ATXN8OS: variants seen among roughly 807,000 people sequenced by gnomAD.
ATXN8OS encodes ATXN8 opposite strand lncRNA, also known as ATXN8 opposite strand (non-protein coding).
chr13:70,148,279 AAT>A lies in ATXN8OS; in HGVS notation n.573+854_573+855del, dbSNP rs56821913. On this transcript the variant is annotated intron_variant and non_coding_transcript_variant, in intron 4 of 4. Transcript: ENST00000678624. ...AGATGGCTTTGCAGGGCCATTTCAA[AAT>A]ATGTCAGTGAAATACACTTTGTTGT... Among the ~76,000 whole-genome samples, 657 of 152,312 alleles carry A rather than the reference AAT, an allele frequency of 4.3e-3. 3 individuals carry two copies. The highest frequency in any genetic ancestry group is 0.015 in the African/African-American group (634 of 41,576).
intron 2 of ATXN8OS, among the ~76,000 whole-genome samples, chr13:70,117,486 C>A (rs1393461949): frequency 1.3e-5 from 2 of 152,042 alleles, no homozygotes; most frequent in Non-Finnish European, 2.9e-5. Flanking sequence ...GAAGTCACAG[C>A]TTGAGCAGTG....
Position 70,139,374 on chromosome 13 carries a change from ACTACTACTACTGCTG to A in ATXN8OS, n.500-7978_500-7964del, listed in dbSNP as rs1453725505. ...CTTTACTACTACTACTACTACTACT[ACTACTACTACTGCTG>A]CTGCTGCTGCTGCTGCTGCTGCTGC... On this transcript the variant is annotated intron_variant and non_coding_transcript_variant, in intron 3 of 4. Coordinates refer to ENST00000678624, the Ensembl canonical transcript of ATXN8OS. 8.9e-5 allele frequency: 58 copies of A among 648,900 alleles called. No individual in the cohort carries two copies. The African/African-American group carries it at 1.3e-3, about 15-fold the overall frequency. The allele number at this position is 648,900 out of a possible 1,614,324, so 40.2% of individuals were successfully genotyped here. A position where few individuals can be genotyped will look rare whatever the true frequency, so the allele number is the denominator to read the frequency against.
chr13:70,158,748 T>C (rs1383521997), intron 4 of ATXN8OS, among the ~76,000 whole-genome samples: 1 of 152,168 alleles, frequency 6.6e-6, no homozygotes, highest in Non-Finnish European at 1.5e-5. Context: ...GGGCACTGGA[T>C]TTTGAATATC....
chr13:70,113,411 C>T (rs1888229050), intron 1 of ATXN8OS, among the ~76,000 whole-genome samples: 1 of 151,960 alleles, frequency 6.6e-6, no homozygotes, highest in Non-Finnish European at 1.5e-5. Context: ...ACACTAGAGT[C>T]TTTAAAAAAG....
At chr13:70,144,681 GAA>G (rs1231377398) in intron 3 of ATXN8OS, among the ~76,000 whole-genome samples, 2 of 152,008 alleles carry the variant, frequency 1.3e-5, no homozygotes, top group African/African-American at 4.8e-5. Context: ...TCTCATAGCA[GAA>G]ATTTTTAATT....
chr13:70,111,093 G>A (rs1888193544), intron 1 of ATXN8OS, among the ~76,000 whole-genome samples: 1 of 152,144 alleles, frequency 6.6e-6, no homozygotes, highest in African/African-American at 2.4e-5. Context: ...AAGCAAAAAG[G>A]TTAATCGGGA....
At chr13:70,171,626 A>G (rs1472517422) in exon 5 of ATXN8OS, among the ~76,000 whole-genome samples, 1 of 152,142 alleles carries the variant, frequency 6.6e-6, no homozygotes, top group Non-Finnish European at 1.5e-5. Flanking sequence ...TGCAGTTTGT[A>G]GTTGACTGAA....
intron 3 of ATXN8OS, among the ~76,000 whole-genome samples, chr13:70,135,114 C>A (rs1044967353): frequency 6.6e-6 from 1 of 152,306 alleles, no homozygotes; most frequent in African/African-American, 2.4e-5. Flanking sequence ...ACCCAATCCA[C>A]TTTTCCTCAA....
At chr13:70,136,803 T>G (rs1388795060) in intron 3 of ATXN8OS, among the ~76,000 whole-genome samples, 1 of 152,206 alleles carries the variant, frequency 6.6e-6, no homozygotes, top group Non-Finnish European at 1.5e-5. Flanking sequence ...GAAGTAAAAT[T>G]ATTTCAACTT....
At chr13:70,129,229 T>A (rs1888490581) in intron 2 of ATXN8OS, among the ~76,000 whole-genome samples, 1 of 152,168 alleles carries the variant, frequency 6.6e-6, no homozygotes, top group South Asian at 2.1e-4. Context: ...TATACAACAA[T>A]AATATAGCTA....
intron 1 of ATXN8OS, chr13:70,115,005 C>A (rs1888253096): frequency 5.1e-6 from 2 of 390,450 alleles, no homozygotes; most frequent in Admixed American, 4.5e-5. Flanking sequence ...CTGGTATTCT[C>A]AAAATTGAGC....
intron 3 of ATXN8OS, among the ~76,000 whole-genome samples, chr13:70,147,011 A>G (rs1356813321): frequency 1.3e-5 from 2 of 152,208 alleles, no homozygotes; most frequent in East Asian, 1.9e-4. Flanking sequence ...GATTTTTCAT[A>G]TAAAATTAAG....
chr13:70,156,184 T>C (rs9317884), intron 4 of ATXN8OS, among the ~76,000 whole-genome samples: 74,562 of 151,890 alleles, frequency 0.49, 20,736 homozygotes, highest in Non-Finnish European at 0.64. Flanking sequence ...TCTTTCTTAC[T>C]CTTTTGATTT....
At chr13:70,139,957 T>C (rs1888686594) in intron 3 of ATXN8OS, among the ~76,000 whole-genome samples, 1 of 152,148 alleles carries the variant, frequency 6.6e-6, no homozygotes, top group Non-Finnish European at 1.5e-5. Flanking sequence ...TATAATCTGC[T>C]GGAACCTAAA....
At chr13:70,118,709 G>A (rs1026192853) in intron 2 of ATXN8OS, among the ~76,000 whole-genome samples, 1 of 151,890 alleles carries the variant, frequency 6.6e-6, no homozygotes, top group East Asian at 1.9e-4. Flanking sequence ...TTATAAAATA[G>A]ACTTAAAATT....
At chr13:70,139,388 T>TACTACTACG (rs1198593259) in intron 3 of ATXN8OS, 1 of 358,674 alleles carries the variant, frequency 2.8e-6, no homozygotes, top group African/African-American at 3.9e-5. Flanking sequence ...CTACTACTGC[T>TACTACTACG]GCTGCTGCTG....
intron 1 of ATXN8OS, among the ~76,000 whole-genome samples, chr13:70,112,438 T>G (rs1888210237): frequency 6.6e-6 from 1 of 152,156 alleles, no homozygotes; most frequent in Admixed American, 6.5e-5. Flanking sequence ...TGAAACATAA[T>G]ATCATATAGC....
chr13:70,152,636 T>C (rs1296366106), intron 4 of ATXN8OS, among the ~76,000 whole-genome samples: 2 of 152,028 alleles, frequency 1.3e-5, no homozygotes, highest in African/African-American at 4.8e-5. Context: ...ATGTAGGAGA[T>C]GATCAATAAA....
chr13:70,146,240 C>T (rs1318864165), intron 3 of ATXN8OS, among the ~76,000 whole-genome samples: 11 of 146,986 alleles, frequency 7.5e-5, no homozygotes, highest in Non-Finnish European at 1.0e-4. Context: ...GTTAGAATGG[C>T]GATCATTAAA....
Sources: allele counts gnomAD v4.1 joint callset (sites outside exome capture counted in the v4.1 genomes callset), GRCh38; gene constraint gnomAD v4.1.1; transcripts MANE v1.5; gene names NCBI Gene and HGNC (gene_info 2026-07-23, HGNC 2026-07-21).